Variants in ELMO1 observed in about 807,000 individuals in gnomAD.
ELMO1 encodes engulfment and cell motility 1, also known as engulfment and cell motility protein 1.
In ELMO1, 26 loss-of-function variants were observed where a neutral mutation model predicts 98.9. The observed-to-expected ratio is 0.26, with a 90% CI of 0.19 to 0.36. The LOEUF is 0.36. ELMO1 is among the 10% of genes least tolerant of loss of function. The probability of loss-of-function intolerance (pLI) is 1.00; values close to 1 mark genes in which losing one functional copy is unlikely to be tolerated. For synonymous variants in ELMO1, 346 were observed against 346.0 expected (o/e 1.00, Z 0.00); for missense variants, 627 against 935.2 (o/e 0.67, Z 4.30).
intron 13 of ELMO1, among the ~76,000 whole-genome samples, chr7:37,184,386 C>T (rs190719000): frequency 5.3e-5 from 8 of 152,234 alleles, no homozygotes; most frequent in Admixed American, 1.3e-4. Context: ...TGGGGAGACA[C>T]GGTTTAGGGG....
At chr7:37,086,368 G>GTGT (rs1554407789) in intron 15 of ELMO1, among the ~76,000 whole-genome samples, 12 of 146,690 alleles carry the variant, frequency 8.2e-5, no homozygotes, top group African/African-American at 3.1e-4. Flanking sequence ...GTGTGTGTGT[G>GTGT]AAGAGAAGGA....
intron 1 of ELMO1, among the ~76,000 whole-genome samples, chr7:37,437,466 T>G (rs920607147): frequency 1.3e-5 from 2 of 152,240 alleles, no homozygotes; most frequent in Non-Finnish European, 2.9e-5. Context: ...CGTCTGTATT[T>G]TAACAGTTGG....
chr7:36,875,615 C>T (rs1803891919), intron 19 of ELMO1, among the ~76,000 whole-genome samples: 1 of 152,128 alleles, frequency 6.6e-6, no homozygotes, highest in South Asian at 2.1e-4. Flanking sequence ...GTGGCCACTG[C>T]GAAAAGCTGT....
At chr7:37,006,480 A>G (rs973549589) in intron 16 of ELMO1, among the ~76,000 whole-genome samples, 1 of 152,226 alleles carries the variant, frequency 6.6e-6, no homozygotes, top group Admixed American at 6.5e-5. Flanking sequence ...TGAGGGGCCA[A>G]CTGGGACTGC....
chr7:37,260,176 C>G (rs1446741644), intron 5 of ELMO1, among the ~76,000 whole-genome samples: 1 of 152,172 alleles, frequency 6.6e-6, no homozygotes, highest in African/African-American at 2.4e-5. Flanking sequence ...ATAAAATGTT[C>G]TGCCTGTGTT....
At chr7:37,394,988 T>A (rs942433024) in intron 1 of ELMO1, among the ~76,000 whole-genome samples, 2 of 152,300 alleles carry the variant, frequency 1.3e-5, no homozygotes, top group South Asian at 2.1e-4. Context: ...TTCCCAGTGT[T>A]ACCTCCTGCA....
chr7:36,887,423 C>A (rs577783028), intron 18 of ELMO1, 137 bp downstream of exon 18: 2 of 667,094 alleles, frequency 3.0e-6, no homozygotes, highest in East Asian at 5.7e-5. Flanking sequence ...GAACCAGAAA[C>A]GACCTGGACT....
intron 7 of ELMO1, among the ~76,000 whole-genome samples, chr7:37,236,321 T>C (rs1250277398): frequency 6.6e-6 from 1 of 152,204 alleles, no homozygotes; most frequent in Non-Finnish European, 1.5e-5. Context: ...TCAATCTCTA[T>C]GGCTGTTAAG....
intron 16 of ELMO1, among the ~76,000 whole-genome samples, chr7:36,982,640 T>A (rs1791165907): frequency 6.6e-6 from 1 of 152,238 alleles, no homozygotes; most frequent in Non-Finnish European, 1.5e-5. Flanking sequence ...AACCCATGTT[T>A]AAAAACCTGT....
intron 1 of ELMO1, among the ~76,000 whole-genome samples, chr7:37,389,639 G>A (rs765879202): frequency 2.0e-5 from 3 of 152,134 alleles, no homozygotes; most frequent in Non-Finnish European, 2.9e-5. Flanking sequence ...GAAGAGGCAG[G>A]AATAATAGCT....
chr7:36,876,421 A>T (rs575945794), intron 19 of ELMO1, among the ~76,000 whole-genome samples: 1 of 151,976 alleles, frequency 6.6e-6, no homozygotes, highest in African/African-American at 2.4e-5. Flanking sequence ...GCCCAAGTTA[A>T]AAGTTAGCAA....
intron 16 of ELMO1, among the ~76,000 whole-genome samples, chr7:36,978,945 T>C (rs1018193426): frequency 3.3e-5 from 5 of 152,178 alleles, no homozygotes; most frequent in African/African-American, 1.2e-4. Flanking sequence ...TCTCTAAACA[T>C]TTCTATGTAC....
intron 20 of ELMO1, among the ~76,000 whole-genome samples, chr7:36,869,588 A>G (rs1395255743): frequency 2.0e-5 from 3 of 152,212 alleles, no homozygotes; most frequent in Non-Finnish European, 4.4e-5. Flanking sequence ...TGCTCCAGAT[A>G]ATCTGGATAC....
chr7:36,986,446 A>G (rs1791515315), intron 16 of ELMO1: 1 of 172,182 alleles, frequency 5.8e-6, no homozygotes, highest in Non-Finnish European at 1.2e-5. Flanking sequence ...GAACTAAAAA[A>G]CAAATAAGGA....
intron 17 of ELMO1, among the ~76,000 whole-genome samples, chr7:36,888,568 A>T (rs1321784338): frequency 6.6e-6 from 1 of 152,202 alleles, no homozygotes; most frequent in African/African-American, 2.4e-5. Flanking sequence ...CCTGTAACTC[A>T]TCTAAGTCTC....
intron 14 of ELMO1, among the ~76,000 whole-genome samples, chr7:37,111,939 C>CT (rs1183661277): frequency 6.6e-6 from 1 of 152,164 alleles, no homozygotes; most frequent in Non-Finnish European, 1.5e-5. Flanking sequence ...GCTTTCATAA[C>CT]TGAGATTTGT....
At chr7:37,089,451 C>T (rs1350975376) in intron 15 of ELMO1, among the ~76,000 whole-genome samples, 2 of 152,118 alleles carry the variant, frequency 1.3e-5, no homozygotes, top group East Asian at 3.9e-4. Flanking sequence ...GCTTCAATCA[C>T]AAATGTATGT....
At chr7:37,253,530 G>C (rs1795469970) in intron 6 of ELMO1, among the ~76,000 whole-genome samples, 1 of 152,096 alleles carries the variant, frequency 6.6e-6, no homozygotes, top group African/African-American at 2.4e-5. Flanking sequence ...TGAACAATGA[G>C]AACACATAGA....
chr7:36,925,748 G>A (rs1785516048), intron 16 of ELMO1, among the ~76,000 whole-genome samples: 1 of 152,168 alleles, frequency 6.6e-6, no homozygotes, highest in Non-Finnish European at 1.5e-5. Flanking sequence ...AGGATCCAGA[G>A]CTCAGCCTGG....
Sources: gnomAD v4.1 joint callset for allele counts (sites outside exome capture counted in the v4.1 genomes callset) on GRCh38, gnomAD v4.1.1 for gene constraint, MANE v1.5 for transcripts, NCBI Gene and HGNC (gene_info 2026-07-23, HGNC 2026-07-21) for gene names.